The following MEIS2 variants were observed in gnomAD, a reference collection of about 807,000 sequenced individuals.
The protein encoded by MEIS2 is Meis homeobox 2.
Under a neutral mutation model 58.6 loss-of-function variants are expected in MEIS2, and 9 were observed. The observed-to-expected ratio is 0.15, with a 90% CI of 0.09 to 0.27. MEIS2 has a LOEUF of 0.27. MEIS2 is among the 10% of genes least tolerant of loss of function. The pLI, the probability that MEIS2 is intolerant of heterozygous loss-of-function variation, is 1.00. For missense variants in MEIS2, 427 were observed against 635.0 expected, an observed-to-expected ratio of 0.67 and a Z score of 3.52; for synonymous variants, 221 against 228.4, an observed-to-expected ratio of 0.97 and a Z score of 0.29.
At chr15:37,011,037 C>T (rs8039275) in intron 8 of MEIS2, among the ~76,000 whole-genome samples, 146,673 of 152,306 alleles carry the variant, frequency 0.96, 70,883 homozygotes, top group Middle Eastern at 1. Context: ...TTGCTCCTTA[C>T]GAAGACATGA....
At chr15:36,907,997 G>A (rs893587627) in intron 9 of MEIS2, among the ~76,000 whole-genome samples, 3 of 151,460 alleles carry the variant, frequency 2.0e-5, no homozygotes, top group South Asian at 2.1e-4. Context: ...TAACAGCTAC[G>A]CATCTAACAA....
chr15:36,915,454 C>T (rs1283444700), intron 9 of MEIS2, among the ~76,000 whole-genome samples: 1 of 152,140 alleles, frequency 6.6e-6, no homozygotes, highest in Admixed American at 6.5e-5. Flanking sequence ...TTGGGAAACA[C>T]TGATTTATGT....
At chr15:37,033,897 C>T (rs771113863) in intron 8 of MEIS2, among the ~76,000 whole-genome samples, 1 of 152,058 alleles carries the variant, frequency 6.6e-6, no homozygotes, top group Non-Finnish European at 1.5e-5. Context: ...GTTACTGAAC[C>T]TCTTCTCTGC....
chr15:37,006,047 T>C (rs919450002), intron 8 of MEIS2, among the ~76,000 whole-genome samples: 3 of 152,244 alleles, frequency 2.0e-5, no homozygotes, highest in African/African-American at 7.2e-5. Flanking sequence ...TTTATTGTTA[T>C]ACAATTACTT....
intron 8 of MEIS2, among the ~76,000 whole-genome samples, chr15:37,033,019 T>A (rs1452863062): frequency 6.6e-6 from 1 of 152,212 alleles, no homozygotes; most frequent in Non-Finnish European, 1.5e-5. Flanking sequence ...TGAGAGATTG[T>A]TTTAACTGTT....
chr15:36,966,900 T>C (rs2059377120), intron 8 of MEIS2, among the ~76,000 whole-genome samples: 1 of 151,994 alleles, frequency 6.6e-6, no homozygotes, highest in South Asian at 2.1e-4. Context: ...GAAGGCAGGA[T>C]GGCAAGGAGC....
chr15:37,066,418 A>T (rs1278233251), intron 7 of MEIS2: 1 of 152,162 alleles, frequency 6.6e-6, no homozygotes, highest in African/African-American at 2.4e-5. Context: ...AGAACAAGAA[A>T]ATTTTAAATG....
At chr15:36,918,950 C>T (rs1436524135) in intron 9 of MEIS2, among the ~76,000 whole-genome samples, 1 of 152,136 alleles carries the variant, frequency 6.6e-6, no homozygotes, top group Non-Finnish European at 1.5e-5. Flanking sequence ...ATACCTACCT[C>T]GTAATTGTAA....
chr15:37,070,421 A>C (rs1490282190), intron 7 of MEIS2, among the ~76,000 whole-genome samples: 1 of 152,148 alleles, frequency 6.6e-6, no homozygotes, highest in Non-Finnish European at 1.5e-5. Flanking sequence ...TCTGAGAAAG[A>C]CTGGCCCCCA....
rs1406263130 is a variant in MEIS2, at chr15:36,890,937, G to C, written c.*1236C>G. The C allele has an allele frequency of 6.6e-6, 1 of 152,442 alleles. No homozygotes were observed. The highest frequency in any genetic ancestry group is 1.5e-5 in the Non-Finnish European group (1 of 68,028). 9.4% of individuals were successfully genotyped at this position (152,442 alleles called of 1,614,324 possible). ...TGATGAGTTTAAAATATACTCAACTGCTGGGGGGAAAAACCTACTTTTAAC... is the reference window on the plus strand; with the variant it reads ...TGATGAGTTTAAAATATACTCAACTCCTGGGGGGAAAAACCTACTTTTAAC... On this transcript the variant is annotated 3_prime_UTR_variant, in exon 12 of 12. Coordinates refer to ENST00000561208, the MANE Select transcript of MEIS2 (RefSeq NM_170675.5).
chr15:37,033,522 G>C (rs2062018117), intron 8 of MEIS2, among the ~76,000 whole-genome samples: 1 of 152,140 alleles, frequency 6.6e-6, no homozygotes, highest in South Asian at 2.1e-4. Context: ...TGCACAAAAG[G>C]GAACAAACCA....
chr15:37,098,577 G>A (rs1278006963), intron 1 of MEIS2: 2 of 277,620 alleles, frequency 7.2e-6, no homozygotes, highest in East Asian at 1.4e-4. Flanking sequence ...CAAGAGCAAC[G>A]TTTAGAGAAG....
intron 11 of MEIS2, 76 bp from the exon 12 acceptor site, chr15:36,892,535 G>GAAAAA (rs1271676407): frequency 2.9e-5 from 15 of 513,650 alleles, no homozygotes; most frequent in South Asian, 8.9e-5. Flanking sequence ...AAGATGAAAA[G>GAAAAA]AAAAAAAAAA....
At chr15:36,991,666 G>A (rs1476408495) in intron 8 of MEIS2, among the ~76,000 whole-genome samples, 2 of 150,606 alleles carry the variant, frequency 1.3e-5, no homozygotes, top group African/African-American at 4.9e-5. Context: ...GATGCTTTGT[G>A]AGCATTAGAA....
intron 9 of MEIS2, among the ~76,000 whole-genome samples, chr15:36,944,597 A>C (rs990093873): frequency 6.6e-6 from 1 of 152,100 alleles, no homozygotes; most frequent in African/African-American, 2.4e-5. Flanking sequence ...CCTAGAGCTC[A>C]CCAAAGCTTT....
At chr15:37,047,758 C>T (rs2062734857) in intron 7 of MEIS2, among the ~76,000 whole-genome samples, 1 of 152,136 alleles carries the variant, frequency 6.6e-6, no homozygotes, top group Non-Finnish European at 1.5e-5. Context: ...ATGTGTCTTC[C>T]CAATTTCACT....
intron 9 of MEIS2, among the ~76,000 whole-genome samples, chr15:36,913,321 C>T (rs560868922): frequency 6.6e-6 from 1 of 152,286 alleles, no homozygotes; most frequent in African/African-American, 2.4e-5. Flanking sequence ...TTTGGACACA[C>T]ATTTTGGACC....
chr15:36,998,163 T>C (rs1411301452), intron 8 of MEIS2, among the ~76,000 whole-genome samples: 10 of 151,652 alleles, frequency 6.6e-5, no homozygotes, highest in Admixed American at 2.0e-4. Flanking sequence ...AATGGTACCA[T>C]AGTTTAAAGC....
intron 8 of MEIS2, among the ~76,000 whole-genome samples, chr15:37,011,573 A>G (rs1024950123): frequency 6.6e-5 from 10 of 151,092 alleles, no homozygotes; most frequent in African/African-American, 2.2e-4. Flanking sequence ...CAATATGAAA[A>G]AAGATTATGT....
Sources: gnomAD v4.1 joint callset for allele counts (sites outside exome capture counted in the v4.1 genomes callset) on GRCh38, gnomAD v4.1.1 for gene constraint, MANE v1.5 for transcripts, NCBI Gene and HGNC (gene_info 2026-07-23, HGNC 2026-07-21) for gene names.